VCL: variants seen among roughly 807,000 people sequenced by gnomAD.
VCL encodes the protein vinculin.
In VCL, 47 loss-of-function variants were observed where a neutral mutation model predicts 125.7. That is an observed-to-expected ratio of 0.37 (90% CI 0.30 to 0.48). The LOEUF (loss-of-function observed/expected upper bound fraction) is 0.48. Ranked by LOEUF, VCL falls within the 20% of genes least tolerant of loss-of-function variation. The pLI, the probability that VCL is intolerant of heterozygous loss-of-function variation, is 0.99. For missense variants in VCL, 1,069 were observed against 1,455.5 expected, an observed-to-expected ratio of 0.73 and a Z score of 4.32; for synonymous variants, 458 against 514.6, an observed-to-expected ratio of 0.89 and a Z score of 1.49.
At chr10:74,108,829 TG>T in intron 17 of VCL, 141 bp from the exon 18 acceptor site, 1 of 864,652 alleles carries the variant, frequency 1.2e-6, no homozygotes, top group Non-Finnish European at 1.9e-6. Flanking sequence ...TTGAAGCAGG[TG>T]GTCCTTGTGG....
intron 2 of VCL, among the ~76,000 whole-genome samples, chr10:74,061,907 C>CT (rs11439344): frequency 0.14 from 18,352 of 129,284 alleles, 3,576 homozygotes; most frequent in African/African-American, 0.43. Context: ...AACCAATCTA[C>CT]TTTTTTTTTT....
In VCL at chr10:74,119,969, G is replaced by A. The variant is rs1268857991; in HGVS notation, c.*1800G>A. 6.9e-6 allele frequency: 1 copy of A among 145,262 alleles called. No individual in the cohort carries two copies. The highest frequency in any genetic ancestry group is 2.5e-5 in the African/African-American group (1 of 39,282). 9.0% of individuals were successfully genotyped at this position (145,262 alleles called of 1,614,324 possible). On this transcript the variant is annotated 3_prime_UTR_variant, in exon 22 of 22. Coordinates refer to ENST00000211998, the MANE Select transcript of VCL (RefSeq NM_014000.3). ...CTGGTTTACACTTTATGCCGGATGT[G>A]CTTTTCTCCAATATCAGTGCTCGAG... is the stretch of plus-strand genomic sequence containing the variant.
chr10:74,014,601 C>T (rs1370834213), intron 1 of VCL, among the ~76,000 whole-genome samples: 1 of 151,630 alleles, frequency 6.6e-6, no homozygotes, highest in African/African-American at 2.4e-5. Flanking sequence ...AAGAGGTACC[C>T]AGGCCATTCA....
At chr10:74,011,262 A>G (rs1203051216) in intron 1 of VCL, among the ~76,000 whole-genome samples, 1 of 151,684 alleles carries the variant, frequency 6.6e-6, no homozygotes, top group East Asian at 1.9e-4. Flanking sequence ...GTAGAGTGGG[A>G]TAGAGTGTTA....
At chr10:74,099,742 G>A (rs1252996750) in intron 13 of VCL, among the ~76,000 whole-genome samples, 1 of 152,184 alleles carries the variant, frequency 6.6e-6, no homozygotes, top group Non-Finnish European at 1.5e-5. Context: ...TAAAAGCCCA[G>A]GAGATCCAGA....
At chr10:74,098,014 C>T (rs1160481631) in intron 13 of VCL, among the ~76,000 whole-genome samples, 4 of 152,178 alleles carry the variant, frequency 2.6e-5, no homozygotes, top group Admixed American at 6.5e-5. Context: ...GGACATGTTT[C>T]GCTCCTGTGA....
intron 5 of VCL, among the ~76,000 whole-genome samples, chr10:74,073,156 G>A (rs1237684512): frequency 1.2e-4 from 18 of 152,086 alleles, no homozygotes; most frequent in Admixed American, 1.2e-3. Context: ...GGCCAGGATG[G>A]TCTTGATCTC....
intron 1 of VCL, among the ~76,000 whole-genome samples, chr10:74,007,218 A>G (rs1591646705): frequency 2.0e-5 from 3 of 152,308 alleles, no homozygotes; most frequent in Non-Finnish European, 4.4e-5. Flanking sequence ...GGCTCAAGTG[A>G]TCCACCTGCC....
chr10:74,109,264 C>T, intron 18 of VCL, 108 bp downstream of exon 18: 1 of 1,385,238 alleles, frequency 7.2e-7, no homozygotes. Flanking sequence ...CTCTCTCTCT[C>T]CTTTGGTTCC....
At chr10:74,032,784 T>C in intron 1 of VCL, among the ~76,000 whole-genome samples, 1 of 151,502 alleles carries the variant, frequency 6.6e-6, no homozygotes, top group East Asian at 1.9e-4. Context: ...AAATGGTCAA[T>C]ACACCCATAA....
At chr10:74,040,213 ACT>A (rs1418468569) in intron 1 of VCL, among the ~76,000 whole-genome samples, 1 of 151,828 alleles carries the variant, frequency 6.6e-6, no homozygotes, top group Non-Finnish European at 1.5e-5. Context: ...TATTTACTTG[ACT>A]CTCTGTCTCT....
At chr10:74,081,269 T>C (rs541730471) in intron 6 of VCL, among the ~76,000 whole-genome samples, 1 of 152,306 alleles carries the variant, frequency 6.6e-6, no homozygotes, top group South Asian at 2.1e-4. Context: ...AGTTGAGAGA[T>C]CTGTCTTTTG....
intron 1 of VCL, among the ~76,000 whole-genome samples, chr10:74,026,177 C>A (rs941584465): frequency 2.6e-5 from 4 of 152,190 alleles, no homozygotes; most frequent in Non-Finnish European, 5.9e-5. Context: ...GTTGAACATG[C>A]CTGGCCCCCA....
chr10:74,018,777 C>G (rs759998098), intron 1 of VCL, among the ~76,000 whole-genome samples: 13 of 152,142 alleles, frequency 8.5e-5, no homozygotes, highest in Non-Finnish European at 1.8e-4. Flanking sequence ...AAAAGTCTCC[C>G]TTTCCCCCTT....
chr10:74,066,709 T>C (rs1841576678), intron 2 of VCL, among the ~76,000 whole-genome samples: 1 of 151,854 alleles, frequency 6.6e-6, no homozygotes, highest in South Asian at 2.1e-4. Context: ...TCTCACTCTA[T>C]TGCCTAGGCT....
chr10:74,074,972 C>T, intron 6 of VCL, 69 bp downstream of exon 6: 4 of 1,581,854 alleles, frequency 2.5e-6, no homozygotes, highest in Non-Finnish European at 3.5e-6. Context: ...TGATTGGCAC[C>T]TGTCTCATAC....
intron 2 of VCL, chr10:74,063,713 T>C (rs1024970132): frequency 1.3e-5 from 2 of 152,204 alleles, no homozygotes; most frequent in African/African-American, 4.8e-5. Context: ...TCCTAAAGAA[T>C]GTACTTCAGA....
chr10:74,003,051 G>T (rs567762767), intron 1 of VCL, among the ~76,000 whole-genome samples: 17 of 151,644 alleles, frequency 1.1e-4, no homozygotes, highest in Non-Finnish European at 2.2e-4. Context: ...CACAATTAGG[G>T]AGGGGGTAGG....
intron 2 of VCL, among the ~76,000 whole-genome samples, chr10:74,069,766 G>A (rs7894127): frequency 0.064 from 9,579 of 149,406 alleles, 1,039 homozygotes; most frequent in African/African-American, 0.23. Flanking sequence ...GTGGGGATGA[G>A]TAATTGAATG....
Sources: allele counts gnomAD v4.1 joint callset (sites outside exome capture counted in the v4.1 genomes callset), GRCh38; gene constraint gnomAD v4.1.1; transcripts MANE v1.5; gene names NCBI Gene and HGNC (gene_info 2026-07-23, HGNC 2026-07-21).